MUSK: variants seen among roughly 807,000 people sequenced by gnomAD.
MUSK encodes the protein muscle associated receptor tyrosine kinase, also known as muscle, skeletal receptor tyrosine-protein kinase.
In MUSK, 55 loss-of-function variants were observed where a neutral mutation model predicts 88.7. The observed-to-expected ratio is 0.62, with a 90% confidence interval of 0.50 to 0.78. The LOEUF is 0.78. MUSK is among the 30% of genes least tolerant of loss of function. The pLI, the probability that MUSK is intolerant of heterozygous loss-of-function variation, is 0.00. For missense variants in MUSK, 1,015 were observed against 1,074.3 expected (o/e 0.94, Z 0.77); for synonymous variants, 387 against 391.9 (o/e 0.99, Z 0.15).
intron 3 of MUSK, among the ~76,000 whole-genome samples, chr9:110,689,863 TTTAAATATAA>T (rs2076288017): frequency 1.1e-5 from 1 of 88,108 alleles, no homozygotes; most frequent in Non-Finnish European, 2.0e-5. Context: ...TAACTATATA[TTTAAATATAA>T]ATATATATTT....
intron 5 of MUSK, among the ~76,000 whole-genome samples, chr9:110,713,549 C>G (rs2076703790): frequency 6.6e-6 from 1 of 152,070 alleles, no homozygotes; most frequent in Admixed American, 6.6e-5. Flanking sequence ...TGTGAGCCAC[C>G]ATGCCTAGCC....
In MUSK at chr9:110,785,724, G is replaced by A; in HGVS notation, c.1778+6G>A. On this transcript the variant is annotated splice_donor_region_variant and intron_variant, in intron 13 of 14. Coordinates refer to ENST00000374448, the MANE Select transcript of MUSK (RefSeq NM_005592.4). ...GGAAGGGTGTTTCAAGCAAGGTAAA[G>A]TTACCTATGGAAAAAAAAACTCCAT... 6.3e-7 allele frequency: 1 copy of A among 1,579,782 alleles called. No individual in the cohort carries two copies. Among genetic ancestry groups the A allele is most frequent in the African/African-American group, 1.4e-5 (1 of 73,654 alleles).
intron 3 of MUSK, among the ~76,000 whole-genome samples, chr9:110,692,700 A>G (rs1019198936): frequency 1.3e-5 from 2 of 152,012 alleles, no homozygotes; most frequent in African/African-American, 4.8e-5. Flanking sequence ...TAAAAACTAT[A>G]TTTTTAATTT....
intron 5 of MUSK, chr9:110,727,611 A>C: frequency 1.4e-5 from 3 of 208,986 alleles, no homozygotes; most frequent in Non-Finnish European, 3.1e-5. Context: ...GGATGGATGC[A>C]TGGTCCTTGG....
At position 110,729,400 on chromosome 9, in the gene MUSK, G is replaced by A. The variant is rs145372462; in HGVS notation, c.629-4851G>A. ...ATTCTGATTAAGCCCCAAACTTTGT[G>A]CTCTTCTAACCTAAAATTTGATATT... On this transcript the variant is annotated intron_variant, in intron 5 of 14. Coordinates refer to ENST00000374448, the MANE Select transcript of MUSK (RefSeq NM_005592.4). Among the ~76,000 whole-genome samples the A allele has an allele frequency of 3.5e-3, 515 of 148,928 alleles. 14 individuals are homozygous for A. The highest frequency in any genetic ancestry group is 1.0e-3 in the Non-Finnish European group (68 of 67,410).
At chr9:110,740,949 T>C (rs1362574898) in intron 6 of MUSK, among the ~76,000 whole-genome samples, 1 of 152,110 alleles carries the variant, frequency 6.6e-6, no homozygotes, top group East Asian at 1.9e-4. Context: ...GTTGAACTCA[T>C]AGAAGCACAG....
intron 3 of MUSK, among the ~76,000 whole-genome samples, chr9:110,693,200 A>G (rs2076380757): frequency 6.6e-6 from 1 of 152,080 alleles, no homozygotes; most frequent in South Asian, 2.1e-4. Context: ...TCTTTTGAAT[A>G]TTTTTGCATA....
At chr9:110,724,586 C>A (rs2076858522) in intron 5 of MUSK, among the ~76,000 whole-genome samples, 1 of 152,014 alleles carries the variant, frequency 6.6e-6, no homozygotes, top group Admixed American at 6.6e-5. Flanking sequence ...TAGTACACTT[C>A]TAGAGAAATC....
intron 5 of MUSK, among the ~76,000 whole-genome samples, chr9:110,717,671 G>A (rs2076762288): frequency 6.7e-6 from 1 of 149,708 alleles, no homozygotes; most frequent in African/African-American, 2.5e-5. Flanking sequence ...CTTTGTCTTT[G>A]TATGTTTGAA....
At position 110,762,086 on chromosome 9, in the gene MUSK, T is replaced by TATA. The variant is rs558938950; in HGVS notation, c.914-115_914-114insTAA. 159 of 1,055,782 alleles carry TATA rather than the reference T, an allele frequency of 1.5e-4. 1 individual carries two copies. The East Asian group carries it at 4.5e-3, about 30-fold the overall frequency. The allele number at this position is 1,055,782 out of a possible 1,614,324, so 65.4% of individuals were successfully genotyped here. On this transcript the variant is annotated intron_variant, in intron 7 of 14. Transcript: ENST00000374448. ...AGAAGCGGAGAACTTTTCAGAAACT[T>TATA]AGAGATCAGTAGTATCAAAACAATC...
intron 8 of MUSK, among the ~76,000 whole-genome samples, chr9:110,765,361 T>C (rs1341957187): frequency 6.6e-6 from 1 of 152,182 alleles, no homozygotes; most frequent in Non-Finnish European, 1.5e-5. Flanking sequence ...GTAAACCAGT[T>C]TGAGATATTT....
chr9:110,743,425 T>C (rs2077129501), intron 6 of MUSK, among the ~76,000 whole-genome samples: 1 of 152,216 alleles, frequency 6.6e-6, no homozygotes, highest in Admixed American at 6.5e-5. Flanking sequence ...AGAGCTTACT[T>C]TTTAAAAAGA....
At chr9:110,775,033 T>A (rs1278607229) in intron 9 of MUSK, among the ~76,000 whole-genome samples, 1 of 152,202 alleles carries the variant, frequency 6.6e-6, no homozygotes, top group Non-Finnish European at 1.5e-5. Context: ...ACCAGGTTTT[T>A]CCTATGCAGT....
chr9:110,705,231 G>A (rs1165129286), intron 5 of MUSK, among the ~76,000 whole-genome samples: 1 of 152,132 alleles, frequency 6.6e-6, no homozygotes, highest in African/African-American at 2.4e-5. Context: ...TGATCTCCAA[G>A]ACAAACTCAG....
Position 110,784,816 on chromosome 9 carries a change from A to G in MUSK, c.1386A>G (p.Thr462=), listed in dbSNP as rs1279219715. The G allele has an allele frequency of 1.9e-6, 3 of 1,606,570 alleles. No individual in the cohort carries two copies. The highest frequency in any genetic ancestry group is 2.7e-5 in the African/African-American group (2 of 74,832). The change falls in exon 12 of 15, where the codon ACA becomes ACG. Residue 462 remains threonine (T), a splice_region_variant and synonymous_variant. Coordinates refer to ENST00000374448, the MANE Select transcript of MUSK (RefSeq NM_005592.4). ...GAAATAATTATTCTTTACTTACAGC[A>G]TTCCCACCAATGACGTCCTCAAAGC... The part of the protein sequence containing the change: ...HLDYNKENLK[T]FPPMTSSKPS...
chr9:110,799,968 T>C (rs888861390), intron 14 of MUSK, among the ~76,000 whole-genome samples: 1 of 152,058 alleles, frequency 6.6e-6, no homozygotes, highest in Non-Finnish European at 1.5e-5. Flanking sequence ...GAAGAGCCAC[T>C]CCAGAGAACT....
rs116569642 is a variant in MUSK, at chr9:110,677,137, C to T, written c.80-5537C>T. 7.7e-3 allele frequency among the ~76,000 whole-genome samples: 1,178 copies of T among 152,282 alleles called. 14 individuals are homozygous for T. The highest frequency in any genetic ancestry group is 0.027 in the African/African-American group (1,119 of 41,568). The stretch of plus-strand genomic sequence containing the variant: ...TCTCCTGTCTTTCTCCAATGTCCTA[C>T]ATTTTTGCTTCTACTAGGTGCTTCC... On this transcript the variant is annotated intron_variant, in intron 1 of 14. Coordinates refer to ENST00000374448, the MANE Select transcript of MUSK (RefSeq NM_005592.4).
intron 11 of MUSK, among the ~76,000 whole-genome samples, chr9:110,781,720 C>T (rs565574299): frequency 6.6e-6 from 1 of 152,282 alleles, no homozygotes; most frequent in Non-Finnish European, 1.5e-5. Flanking sequence ...TGGTGAGGAC[C>T]CATTCCTCAT....
At chr9:110,696,623 C>A (rs545279129) in intron 4 of MUSK, among the ~76,000 whole-genome samples, 1 of 152,116 alleles carries the variant, frequency 6.6e-6, no homozygotes, top group South Asian at 2.1e-4. Context: ...GGTGGTTGTA[C>A]TTATGTTACT....
Sources: gnomAD v4.1 joint callset for allele counts (sites outside exome capture counted in the v4.1 genomes callset) on GRCh38, gnomAD v4.1.1 for gene constraint, MANE v1.5 for transcripts, NCBI Gene and HGNC (gene_info 2026-07-23, HGNC 2026-07-21) for gene names.